The following GPC5 variants were observed in gnomAD, a reference collection of about 807,000 sequenced individuals.
GPC5 encodes glypican 5.
A neutral mutation model predicts 53.9 loss-of-function variants in GPC5; 47 were observed. The observed-to-expected ratio is 0.87, with a 90% CI of 0.69 to 1.11. The LOEUF is 1.11. Among genes scored for constraint, GPC5 ranks in the 50% most tolerant of loss-of-function variants. The pLI is 0.00. For synonymous variants in GPC5, 286 were observed against 263.3 expected, an observed-to-expected ratio of 1.09 and a Z score of -0.84; for missense variants, 748 against 713.1, an observed-to-expected ratio of 1.05 and a Z score of -0.56.
chr13:92,210,072 G>T (rs114936274), intron 7 of GPC5, among the ~76,000 whole-genome samples: 2,831 of 152,072 alleles, frequency 0.019, 79 homozygotes, highest in African/African-American at 0.064. Context: ...CCAGATTGAG[G>T]GTGGATCGGC....
chr13:92,848,872 T>C (rs1878698473), intron 7 of GPC5, among the ~76,000 whole-genome samples: 1 of 152,136 alleles, frequency 6.6e-6, no homozygotes, highest in South Asian at 2.1e-4. Flanking sequence ...GAGGAAACAA[T>C]GAAATATGGG....
intron 7 of GPC5, among the ~76,000 whole-genome samples, chr13:92,206,173 T>G (rs1326174106): frequency 6.8e-6 from 1 of 147,916 alleles, no homozygotes; most frequent in African/African-American, 2.5e-5. Flanking sequence ...TTTTATTTTT[T>G]TTTTTTTTTT....
chr13:91,635,233 G>A (rs191763312), intron 2 of GPC5, among the ~76,000 whole-genome samples: 1 of 152,088 alleles, frequency 6.6e-6, no homozygotes, highest in East Asian at 1.9e-4. Context: ...TTGTATAGAA[G>A]CCTAATATAA....
intron 6 of GPC5, among the ~76,000 whole-genome samples, chr13:92,139,948 A>G (rs1197759635): frequency 6.6e-6 from 1 of 152,184 alleles, no homozygotes; most frequent in Non-Finnish European, 1.5e-5. Context: ...TCATGATGGA[A>G]GGTGATGGAA....
chr13:92,123,648 C>T (rs1193309457), intron 6 of GPC5, among the ~76,000 whole-genome samples: 3 of 152,098 alleles, frequency 2.0e-5, no homozygotes, highest in African/African-American at 4.8e-5. Context: ...ATGATTACGC[C>T]TTTACAGCTC....
In GPC5 at chr13:92,356,397, T is replaced by C. The variant is rs1483864039; in HGVS notation, c.1561+211408T>C. Among the ~76,000 whole-genome samples the C allele has an allele frequency of 1.3e-5, 2 of 152,200 alleles. 1 individual carries two copies. The highest frequency in any genetic ancestry group is 1.3e-4 in the Admixed American group (2 of 15,272). The stretch of plus-strand genomic sequence containing the variant: ...GCTATTGTTGGCTTTTATGCAGTGC[T>C]ATTGCAGTATTTGGCTCCAGAGTAG... On this transcript the variant is annotated intron_variant, in intron 7 of 7. Transcript: ENST00000377067.
chr13:92,529,464 T>C (rs1881476049), intron 7 of GPC5, among the ~76,000 whole-genome samples: 1 of 152,112 alleles, frequency 6.6e-6, no homozygotes, highest in East Asian at 1.9e-4. Flanking sequence ...CTCCAGTAAT[T>C]GAAGAATTAA....
chr13:91,539,126 C>G (rs1886732481), intron 2 of GPC5, among the ~76,000 whole-genome samples: 1 of 152,180 alleles, frequency 6.6e-6, no homozygotes, highest in Non-Finnish European at 1.5e-5. Context: ...CACAACTGCT[C>G]ATTACATATT....
At chr13:92,814,397 A>G (rs1310404930) in intron 7 of GPC5, among the ~76,000 whole-genome samples, 1 of 152,010 alleles carries the variant, frequency 6.6e-6, no homozygotes, top group East Asian at 1.9e-4. Flanking sequence ...ATGGTGTCTC[A>G]TGCCTGTAAT....
rs554874172 is a variant in GPC5, at chr13:92,421,616, G to T, written c.1561+276627G>T. 2.8e-4 allele frequency among the ~76,000 whole-genome samples: 41 copies of T among 147,004 alleles called. 1 individual carries two copies. The East Asian group carries it at 7.7e-3, about 28-fold the overall frequency. On this transcript the variant is annotated intron_variant, in intron 7 of 7. Transcript: ENST00000377067. ...CGGGAGGCTGAGGTAGGAGAATGGC[G>T]TGAACCCTGGAGGAGGAGCTTGCAG...
intron 2 of GPC5, among the ~76,000 whole-genome samples, chr13:91,517,839 G>A (rs1885586715): frequency 6.6e-6 from 1 of 152,200 alleles, no homozygotes; most frequent in Non-Finnish European, 1.5e-5. Flanking sequence ...TGAGGAAGAA[G>A]CAAAAGTGGA....
chr13:92,303,278 G>T (rs1329601629), intron 7 of GPC5, among the ~76,000 whole-genome samples: 1 of 152,116 alleles, frequency 6.6e-6, no homozygotes, highest in African/African-American at 2.4e-5. Context: ...CTCCGTGGTG[G>T]TCTAAAGGGT....
intron 7 of GPC5, among the ~76,000 whole-genome samples, chr13:92,838,499 A>G (rs1222614520): frequency 4.0e-5 from 6 of 150,534 alleles, no homozygotes; most frequent in South Asian, 2.1e-4. Flanking sequence ...AAAAAAAAAA[A>G]GAAAAAAAAG....
chr13:91,482,422 G>A (rs1883356573), intron 2 of GPC5, among the ~76,000 whole-genome samples: 1 of 152,100 alleles, frequency 6.6e-6, no homozygotes, highest in South Asian at 2.1e-4. Flanking sequence ...AAATCACCCT[G>A]TCTTAGATAT....
chr13:92,105,865 C>CT (rs1462283497), intron 6 of GPC5, among the ~76,000 whole-genome samples: 2 of 151,920 alleles, frequency 1.3e-5, no homozygotes, highest in Non-Finnish European at 2.9e-5. Flanking sequence ...CCAGAAAAAT[C>CT]TTTTTCGGGC....
chr13:91,891,426 GC>G (rs1469024535), intron 5 of GPC5, among the ~76,000 whole-genome samples: 1 of 152,062 alleles, frequency 6.6e-6, no homozygotes, highest in Admixed American at 6.6e-5. Flanking sequence ...TCTGTTTAAA[GC>G]CTTGGTAATA....
chr13:92,556,641 G>C (rs1882502902), intron 7 of GPC5, among the ~76,000 whole-genome samples: 1 of 151,648 alleles, frequency 6.6e-6, no homozygotes, highest in South Asian at 2.1e-4. Flanking sequence ...AGATGCCAGA[G>C]AGCAAAGACA....
chr13:92,376,492 C>T (rs780172384), intron 7 of GPC5, among the ~76,000 whole-genome samples: 1 of 152,126 alleles, frequency 6.6e-6, no homozygotes, highest in Non-Finnish European at 1.5e-5. Context: ...CAAAAGCATG[C>T]CTAGTGTCTG....
At chr13:91,562,532 G>A (rs113992598) in intron 2 of GPC5, among the ~76,000 whole-genome samples, 7 of 151,718 alleles carry the variant, frequency 4.6e-5, no homozygotes, top group Admixed American at 3.9e-4. Flanking sequence ...GAGGCTCACC[G>A]CAATCTCTGC....
Sources: gnomAD v4.1 joint callset for allele counts (sites outside exome capture counted in the v4.1 genomes callset) on GRCh38, gnomAD v4.1.1 for gene constraint, MANE v1.5 for transcripts, NCBI Gene and HGNC (gene_info 2026-07-23, HGNC 2026-07-21) for gene names.